SCARA5: variants seen among roughly 807,000 people sequenced by gnomAD.
SCARA5 encodes scavenger receptor class A member 5.
SCARA5 carries 45 observed loss-of-function variants against 46.3 expected under a neutral mutation model. The observed-to-expected ratio is 0.97, with a 90% CI of 0.76 to 1.24. The LOEUF is 1.24. Among genes scored for constraint, SCARA5 ranks in the 50% most tolerant of loss-of-function variants. The pLI is 0.00. For missense variants in SCARA5, 680 were observed against 689.0 expected (o/e 0.99, Z 0.15); for synonymous variants, 333 against 306.5 (o/e 1.09, Z -0.90).
intron 3 of SCARA5, among the ~76,000 whole-genome samples, chr8:27,937,195 T>C (rs1807872427): frequency 6.6e-6 from 1 of 152,122 alleles, no homozygotes; most frequent in South Asian, 2.1e-4. Flanking sequence ...AAGTGAATGG[T>C]TGCAAAGGAA....
chr8:27,905,523 T>TG lies in SCARA5; in HGVS notation c.1097-690dup, dbSNP rs5890392. On this transcript the variant is annotated intron_variant, in intron 6 of 8. Coordinates refer to ENST00000354914, the MANE Select transcript of SCARA5 (RefSeq NM_173833.6). Reference sequence around the variant, plus strand: ...AGAATGCCCAGGATGATCCAAGATTTGGGGGGGGGAAAAAAAAAAGGCAGC... The same window carrying TG: ...AGAATGCCCAGGATGATCCAAGATTTGGGGGGGGGGAAAAAAAAAAGGCAGC... Among the ~76,000 whole-genome samples, 20 of 53,696 alleles carry TG rather than the reference T, an allele frequency of 3.7e-4. 3 individuals carry two copies. Among genetic ancestry groups the TG allele is most frequent in the African/African-American group, 9.9e-4 (20 of 20,122 alleles). 35.2% of individuals were successfully genotyped at this position (53,696 alleles called of 152,430 possible). A position where few individuals can be genotyped will look rare whatever the true frequency, so the allele number is the denominator to read the frequency against.
intron 2 of SCARA5, among the ~76,000 whole-genome samples, chr8:27,978,024 GTTTTTTTTT>G (rs11357387): frequency 1.9e-5 from 2 of 106,636 alleles, no homozygotes; most frequent in African/African-American, 7.3e-5. Flanking sequence ...TGTGTCTTTT[GTTTTTTTTT>G]TTTTTTTTTT....
At position 27,870,856 on chromosome 8, in the gene SCARA5, G is replaced by T. The variant is rs1806627200; in HGVS notation, c.*1078C>A. 1 of 152,212 alleles carries T rather than the reference G, an allele frequency of 6.6e-6. No individual in the cohort carries two copies. Among genetic ancestry groups the T allele is most frequent in the Non-Finnish European group, 1.5e-5 (1 of 68,068 alleles). 9.4% of individuals were successfully genotyped at this position (152,212 alleles called of 1,614,324 possible). A position where few individuals can be genotyped will look rare whatever the true frequency, so the allele number is the denominator to read the frequency against. On this transcript the variant is annotated 3_prime_UTR_variant, in exon 9 of 9. Coordinates refer to ENST00000354914, the MANE Select transcript of SCARA5 (RefSeq NM_173833.6). ...TCACACCTGAAGAGGCTTGGAAGAT[G>T]CAAAATCATCACCTCCAAACAGCTG...
intron 3 of SCARA5, among the ~76,000 whole-genome samples, chr8:27,947,799 C>T (rs1362745768): frequency 5.3e-5 from 8 of 152,006 alleles, no homozygotes; most frequent in African/African-American, 1.2e-4. Flanking sequence ...TGCTTGAACC[C>T]GGGAGGCAGA....
At chr8:27,990,779 C>T (rs1808776543) in intron 1 of SCARA5, among the ~76,000 whole-genome samples, 1 of 152,238 alleles carries the variant, frequency 6.6e-6, no homozygotes, top group Non-Finnish European at 1.5e-5. Flanking sequence ...GCTTGAAGCA[C>T]ATGGGCGAGA....
At chr8:27,943,641 C>T (rs965524280) in intron 3 of SCARA5, among the ~76,000 whole-genome samples, 9 of 152,158 alleles carry the variant, frequency 5.9e-5, no homozygotes, top group South Asian at 2.1e-4. Context: ...TCATTGACTA[C>T]GGAGTTAGGA....
rs2129670264 is a variant in SCARA5, at chr8:27,879,637, T to C, written c.1283A>G (p.Asp428Gly). 6 of 1,612,438 alleles carry C rather than the reference T, an allele frequency of 3.7e-6. No individual in the cohort carries two copies. The highest frequency in any genetic ancestry group is 3.3e-4 in the Middle Eastern group (2 of 6,062). ...GAAGCCGAGCATGCGGCACACCACG[T>C]CTCCGTCCTTCTTGTCCCAGCCGTC... is the stretch of plus-strand genomic sequence containing the variant. ...CDDGWDKKDG[D>G]VVCRMLGFRG... The change falls in exon 8 of 9, where the codon GAC (aspartate) becomes GGC (glycine). Residue 428 changes from aspartate (D) to glycine (G), a missense_variant. Transcript: ENST00000354914.
intron 2 of SCARA5, among the ~76,000 whole-genome samples, chr8:27,985,082 A>G (rs1808686606): frequency 6.6e-6 from 1 of 152,272 alleles, no homozygotes; most frequent in Non-Finnish European, 1.5e-5. Flanking sequence ...TAAGCAAAAC[A>G]GAGATGCCTA....
intron 3 of SCARA5, among the ~76,000 whole-genome samples, chr8:27,961,281 ATGAG>A (rs1239641363): frequency 6.6e-6 from 1 of 152,118 alleles, no homozygotes; most frequent in Non-Finnish European, 1.5e-5. Context: ...CCTCATGGTA[ATGAG>A]TGAGTTCTTG....
intron 3 of SCARA5, among the ~76,000 whole-genome samples, chr8:27,945,073 G>A (rs1309512670): frequency 6.6e-6 from 1 of 151,998 alleles, no homozygotes; most frequent in East Asian, 1.9e-4. Flanking sequence ...GCTGAGGTAG[G>A]AGGATCATCT....
At chr8:27,926,968 G>T (rs1807689883) in intron 3 of SCARA5, among the ~76,000 whole-genome samples, 1 of 152,166 alleles carries the variant, frequency 6.6e-6, no homozygotes, top group African/African-American at 2.4e-5. Context: ...TTCCAGTTTT[G>T]GTTCTCAAAC....
chr8:27,947,198 G>C (rs146949430), intron 3 of SCARA5, among the ~76,000 whole-genome samples: 7 of 152,166 alleles, frequency 4.6e-5, no homozygotes, highest in African/African-American at 1.4e-4. Flanking sequence ...TTTTAGTAGA[G>C]ACAGGGTTTC....
chr8:27,918,295 T>C (rs1235933667), intron 4 of SCARA5, among the ~76,000 whole-genome samples: 1 of 152,170 alleles, frequency 6.6e-6, no homozygotes, highest in African/African-American at 2.4e-5. Flanking sequence ...CTACAACATC[T>C]GCCTTAAACC....
At chr8:27,914,598 A>C (rs1807431578) in intron 4 of SCARA5, among the ~76,000 whole-genome samples, 2 of 152,256 alleles carry the variant, frequency 1.3e-5, no homozygotes, top group African/African-American at 4.8e-5. Flanking sequence ...GTAGTAGCAG[A>C]AGTGCCATGA....
chr8:27,933,021 C>G (rs1200468547), intron 3 of SCARA5, among the ~76,000 whole-genome samples: 1 of 152,182 alleles, frequency 6.6e-6, no homozygotes, highest in African/African-American at 2.4e-5. Context: ...CCTTAAAGGC[C>G]CTGCCTCCAA....
chr8:27,918,499 G>C (rs913834153), intron 4 of SCARA5, among the ~76,000 whole-genome samples: 2 of 10,076 alleles, frequency 2.0e-4, no homozygotes, highest in African/African-American at 5.8e-4. Context: ...GCGAGGAGGA[G>C]GAAAAAGAGG....
At position 27,871,767 on chromosome 8, in the gene SCARA5, G is replaced by T. The variant is rs1409620924; in HGVS notation, c.*167C>A. 13 of 1,456,058 alleles carry T rather than the reference G, an allele frequency of 8.9e-6. No homozygotes were observed. Among genetic ancestry groups the T allele is most frequent in the Middle Eastern group, 2.5e-4 (1 of 3,964 alleles). The allele number at this position is 1,456,058 out of a possible 1,614,324, so 90.2% of individuals were successfully genotyped here. A position where few individuals can be genotyped will look rare whatever the true frequency, so the allele number is the denominator to read the frequency against. On this transcript the variant is annotated 3_prime_UTR_variant, in exon 9 of 9. Transcript: ENST00000354914. ...TATACTTCGGAGCACATGTTCAAGA[G>T]GGAAATGACGACCGGCCCCCACGGT... is the stretch of plus-strand genomic sequence containing the variant.
At chr8:27,917,008 G>A (rs952616143) in intron 4 of SCARA5, among the ~76,000 whole-genome samples, 4 of 152,190 alleles carry the variant, frequency 2.6e-5, no homozygotes, top group Non-Finnish European at 5.9e-5. Context: ...CACCAAGTGA[G>A]GACACAGCAA....
In SCARA5 at chr8:27,966,520, T is replaced by C; in HGVS notation, c.135A>G (p.Ala45=). 1 of 1,613,112 alleles carries C rather than the reference T, an allele frequency of 6.2e-7. No homozygotes were observed. The change falls in exon 3 of 9, where the codon GCA becomes GCG. Residue 45 remains alanine (A), a synonymous_variant. Coordinates refer to ENST00000354914, the MANE Select transcript of SCARA5 (RefSeq NM_173833.6). ...ACCCCAGCTGGGTACAGCAGATGCT[T>C]GCCCGCCGTTTGTGACATGGACCTG... ...CEDGPCHKRR[A]SICCTQLGSL... is the part of the protein sequence containing the mutation.
Sources: gnomAD v4.1 joint callset for allele counts (sites outside exome capture counted in the v4.1 genomes callset) on GRCh38, gnomAD v4.1.1 for gene constraint, MANE v1.5 for transcripts, NCBI Gene and HGNC (gene_info 2026-07-23, HGNC 2026-07-21) for gene names.